DNMT3B: variants seen among roughly 807,000 people sequenced by gnomAD.
DNMT3B encodes DNA (cytosine-5)-methyltransferase 3B.
In DNMT3B, 37 loss-of-function variants were observed where a neutral mutation model predicts 120.2. The ratio of observed to expected loss-of-function variants is 0.31; its 90% CI spans 0.24 to 0.40. The LOEUF (loss-of-function observed/expected upper bound fraction) is 0.40, where lower values mean the gene tolerates loss of function less well. Among genes scored for constraint, DNMT3B ranks in the 10% least tolerant of loss-of-function variants. The pLI is 1.00. For synonymous variants in DNMT3B, 412 were observed against 442.8 expected (o/e 0.93, Z 0.87); for missense variants, 878 against 1,137.3 (o/e 0.77, Z 3.28).
intron 12 of DNMT3B, 85 bp from the exon 13 acceptor site, chr20:32,796,705 A>G: frequency 1.4e-6 from 2 of 1,473,542 alleles, no homozygotes; most frequent in Non-Finnish European, 1.9e-6. Context: ...CTGGAGGGAA[A>G]TCTTAGGAAC....
In DNMT3B at chr20:32,777,294, G is replaced by A. The variant is rs565063225; in HGVS notation, c.-6-3024G>A. On this transcript the variant is annotated intron_variant, in intron 1 of 22. Coordinates refer to ENST00000328111, the MANE Select transcript of DNMT3B (RefSeq NM_006892.4). ...GTTTTGGAAGGTGTGCTGCCCACAC[G>A]TTGGGTAGGCTGGTGGCCAGTTGGC... Among the ~76,000 whole-genome samples, 8 of 152,236 alleles carry A rather than the reference G, an allele frequency of 5.3e-5. No homozygotes were observed. The East Asian group carries it at 5.8e-4, about 11-fold the overall frequency.
At chr20:32,771,982 G>T (rs756398188) in intron 1 of DNMT3B, among the ~76,000 whole-genome samples, 4 of 152,196 alleles carry the variant, frequency 2.6e-5, no homozygotes, top group Non-Finnish European at 5.9e-5. Context: ...ATGCTGCAGA[G>T]AAATGGCTTA....
intron 1 of DNMT3B, among the ~76,000 whole-genome samples, chr20:32,778,792 T>C (rs1003521): frequency 0.56 from 85,661 of 152,072 alleles, 27,232 homozygotes; most frequent in East Asian, 0.92. Context: ...CAGACTCTGT[T>C]TCTACAAAAA....
In DNMT3B at chr20:32,802,279, C is replaced by T. The variant is rs542036262; in HGVS notation, c.2146-106C>T. ...TAGGTCTTTCCTGTTTTGGAGGATC[C>T]GTGCCTCATCCATAGTCAGGGAATA... On this transcript the variant is annotated intron_variant, in intron 19 of 22. Transcript: ENST00000328111. 26 of 1,212,052 alleles carry T rather than the reference C, an allele frequency of 2.1e-5. 1 individual carries two copies. The highest frequency in any genetic ancestry group is 1.0e-4 in the Admixed American group (6 of 59,248). 75.1% of individuals were successfully genotyped at this position (1,212,052 alleles called of 1,614,324 possible).
intron 1 of DNMT3B, among the ~76,000 whole-genome samples, chr20:32,766,227 C>T (rs1008446219): frequency 2.6e-5 from 4 of 152,074 alleles, no homozygotes; most frequent in African/African-American, 4.8e-5. Context: ...GCCTGTAATC[C>T]GTGCTACTGG....
At chr20:32,806,502 G>A (rs559086132) in intron 22 of DNMT3B, among the ~76,000 whole-genome samples, 175 bp downstream of exon 22, 2 of 152,318 alleles carry the variant, frequency 1.3e-5, no homozygotes, top group East Asian at 3.9e-4. Flanking sequence ...AAATGGCGGA[G>A]GGGGTGTGGT....
chr20:32,772,999 G>A (rs977398763), intron 1 of DNMT3B, among the ~76,000 whole-genome samples: 1 of 150,504 alleles, frequency 6.6e-6, no homozygotes, highest in South Asian at 2.1e-4. Context: ...TGTATTTTTA[G>A]TAGAGAGCGG....
Position 32,765,248 on chromosome 20 carries a change from G to A in DNMT3B, c.-7+2549G>A, listed in dbSNP as rs141435787. On this transcript the variant is annotated intron_variant, in intron 1 of 22. Coordinates refer to ENST00000328111, the MANE Select transcript of DNMT3B (RefSeq NM_006892.4). ...GGAGGACCAGGGCTGGTGAAGTATGGAATTCATTTCATGTGCAGGCCACTC... is the reference window on the plus strand; with the variant it reads ...GGAGGACCAGGGCTGGTGAAGTATGAAATTCATTTCATGTGCAGGCCACTC... Among the ~76,000 whole-genome samples the A allele has an allele frequency of 2.6e-5, 4 of 152,174 alleles. No individual in the cohort carries two copies. The East Asian group carries it at 7.7e-4, about 29-fold the overall frequency.
At chr20:32,793,722 C>G in intron 10 of DNMT3B, 127 bp downstream of exon 10, 1 of 1,048,546 alleles carries the variant, frequency 9.5e-7, no homozygotes, top group Non-Finnish European at 1.4e-6. Flanking sequence ...TCCCTCCCCA[C>G]TCTCCCCTCA....
chr20:32,785,247 C>T (rs1052515654), intron 4 of DNMT3B, among the ~76,000 whole-genome samples: 5 of 152,146 alleles, frequency 3.3e-5, no homozygotes, highest in African/African-American at 1.2e-4. Flanking sequence ...ACCATGTTGG[C>T]CAGGCTGGTC....
intron 16 of DNMT3B, 107 bp downstream of exon 16, chr20:32,799,435 C>A: frequency 7.8e-7 from 1 of 1,275,770 alleles, no homozygotes; most frequent in South Asian, 1.3e-5. Context: ...AGAAAGGTCC[C>A]TGGGGATTAC....
At chr20:32,797,123 C>T in intron 13 of DNMT3B, 64 bp from the exon 14 acceptor site, 1 of 1,607,246 alleles carries the variant, frequency 6.2e-7, no homozygotes. Context: ...CCTCCACCAG[C>T]AAGCCGGCAG....
In DNMT3B at chr20:32,800,703, C is replaced by G. The variant is rs984696903; in HGVS notation, c.1906-132C>G. ...CGAACTCCTGACCTCAGGTAATCCA[C>G]CCCCGCCGTCAGCCTTCCTGGGATT... On this transcript the variant is annotated intron_variant, in intron 17 of 22. Transcript: ENST00000328111. The G allele has an allele frequency of 4.0e-6, 4 of 996,668 alleles. No homozygotes were observed. The African/African-American group carries it at 6.4e-5, about 16-fold the overall frequency. 61.7% of individuals were successfully genotyped at this position (996,668 alleles called of 1,614,324 possible).
intron 1 of DNMT3B, among the ~76,000 whole-genome samples, chr20:32,773,306 T>C (rs1159397652): frequency 1.3e-5 from 2 of 152,152 alleles, no homozygotes; most frequent in Non-Finnish European, 2.9e-5. Flanking sequence ...CTGATAATTC[T>C]GCTTACTATG....
chr20:32,806,264 A>G lies in DNMT3B; in HGVS notation c.2357A>G (p.Asn786Ser), dbSNP rs1236388289. Residue 786 changes from asparagine to serine, a missense_variant, in exon 22 of 23, where the codon AAC becomes AGC. By Grantham distance (46) the Asn-to-Ser change is conservative. This residue lies in a region of DNMT3B where 334 missense variants were observed against 518.8 expected (regional missense o/e 0.64). Coordinates refer to ENST00000328111, the MANE Select transcript of DNMT3B (RefSeq NM_006892.4). ...TCGAACTCGATCAAACAGGGGAAAA[A>G]CCAACTTTTCCCTGTTGTCATGAAT... ...TKSNSIKQGK[N>S]QLFPVVMNGK... 8.1e-6 allele frequency: 13 copies of G among 1,614,102 alleles called. No homozygotes were observed. Among genetic ancestry groups the G allele is most frequent in the Admixed American group, 1.7e-5 (1 of 60,004 alleles).
At position 32,780,133 on chromosome 20, in the gene DNMT3B, G is replaced by A. The variant is rs1218775033; in HGVS notation, c.-6-185G>A. On this transcript the variant is annotated intron_variant, in intron 1 of 22. Coordinates refer to ENST00000328111, the MANE Select transcript of DNMT3B (RefSeq NM_006892.4). ...CTGTCCACATGGAACCAAGTCCTGA[G>A]CCTCCAAGCTTGGTGAGGGGGAGGC... The A allele has an allele frequency of 3.1e-6, 5 of 1,613,734 alleles. No homozygotes were observed. The African/African-American group carries it at 5.3e-5, about 17-fold the overall frequency.
intron 18 of DNMT3B, 76 bp downstream of exon 18, chr20:32,801,001 A>C: frequency 4.5e-6 from 7 of 1,560,020 alleles, no homozygotes; most frequent in Non-Finnish European, 6.2e-6. Flanking sequence ...GCAGCCTGAG[A>C]AGGAGCCACT....
chr20:32,767,817 T>C (rs539661808), intron 1 of DNMT3B, among the ~76,000 whole-genome samples: 140 of 152,306 alleles, frequency 9.2e-4, no homozygotes, highest in African/African-American at 3.1e-3. Flanking sequence ...GGGAGGGGAC[T>C]TGGGAGTCAA....
intron 13 of DNMT3B, 62 bp downstream of exon 13, chr20:32,796,931 T>C: frequency 6.2e-7 from 1 of 1,614,058 alleles, no homozygotes; most frequent in South Asian, 1.1e-5. Flanking sequence ...TCCCCTCTCC[T>C]TCCCAACAGC....
Sources: gnomAD v4.1 joint callset for allele counts (sites outside exome capture counted in the v4.1 genomes callset) on GRCh38, gnomAD v4.1.1 for gene constraint, gnomAD v4.1.1 regional missense constraint, MANE v1.5 for transcripts, NCBI Gene and HGNC (gene_info 2026-07-23, HGNC 2026-07-21) for gene names.